Variants in MTCL2 observed in about 807,000 individuals in gnomAD.
The protein encoded by MTCL2 is microtubule cross-linking factor 2.
At chr20:36,792,863 G>C in the MTCL2 span, among the ~76,000 whole-genome samples, 2 of 139,116 alleles carry the variant, frequency 1.4e-5, no homozygotes, top group Non-Finnish European at 3.0e-5. Context: ...TAGATAGACA[G>C]ACAGACAGAC....
chr20:36,815,027 A>T, the MTCL2 span: 2 of 1,198,180 alleles, frequency 1.7e-6, no homozygotes, highest in Admixed American at 4.7e-5. This position sits in a 1 kb window ranked among gnomAD's most constrained non-coding sequence, Gnocchi z 5.3. Context: ...GCACCACTGC[A>T]CTTCAGCCTG....
the MTCL2 span, among the ~76,000 whole-genome samples, chr20:36,806,821 A>C: frequency 6.6e-6 from 1 of 152,056 alleles, no homozygotes; most frequent in Non-Finnish European, 1.5e-5. Flanking sequence ...CACCTAGCCA[A>C]TTTTCTATGT....
At chr20:36,823,866 G>A in the MTCL2 span, among the ~76,000 whole-genome samples, 3 of 152,214 alleles carry the variant, frequency 2.0e-5, no homozygotes, top group Non-Finnish European at 2.9e-5. Context: ...TATCATTTCC[G>A]CAAGGTTACA....
chr20:36,829,762 T>G, the MTCL2 span, among the ~76,000 whole-genome samples: 1 of 148,826 alleles, frequency 6.7e-6, no homozygotes. Context: ...CTTTGGGAGG[T>G]CGAGACAGGT....
the MTCL2 span, chr20:36,784,069 C>T: frequency 6.1e-6 from 6 of 985,498 alleles, no homozygotes; most frequent in East Asian, 1.1e-4. Flanking sequence ...CTGAGTGGTC[C>T]GTAGGTCTTG....
chr20:36,825,778 G>A, the MTCL2 span, among the ~76,000 whole-genome samples: 3 of 152,180 alleles, frequency 2.0e-5, no homozygotes, highest in Non-Finnish European at 4.4e-5. Context: ...AGACGGAGGA[G>A]GGAGAGGATA....
At chr20:36,806,219 C>T in the MTCL2 span, among the ~76,000 whole-genome samples, 3 of 152,120 alleles carry the variant, frequency 2.0e-5, no homozygotes, top group Non-Finnish European at 4.4e-5. Context: ...ATAAGGGTGA[C>T]CAAAGGTTTG....
the MTCL2 span, among the ~76,000 whole-genome samples, chr20:36,858,336 AC>A: frequency 4.9e-5 from 6 of 123,290 alleles, no homozygotes; most frequent in South Asian, 1.8e-3. Context: ...ACACACACAC[AC>A]ACACACACAC....
the MTCL2 span, among the ~76,000 whole-genome samples, chr20:36,837,948 G>A: frequency 3.3e-5 from 5 of 152,190 alleles, no homozygotes; most frequent in African/African-American, 9.6e-5. Context: ...TACAGATGAG[G>A]ACACTGAAAT....
the MTCL2 span, among the ~76,000 whole-genome samples, chr20:36,841,874 GGTGTGTGTGTGT>G: frequency 1.6e-4 from 18 of 110,864 alleles, no homozygotes; most frequent in South Asian, 1.2e-3. Context: ...TGGGGGGTGG[GGTGTGTGTGTGT>G]GTGTGTGTGT....
the MTCL2 span, among the ~76,000 whole-genome samples, chr20:36,850,534 A>T: frequency 1.3e-5 from 2 of 151,940 alleles, 1 homozygote; most frequent in South Asian, 4.2e-4. Context: ...TGACCAAAAA[A>T]AAAAGAAAAA....
chr20:36,793,928 G>A, the MTCL2 span: 26 of 1,551,334 alleles, frequency 1.7e-5, no homozygotes, highest in African/African-American at 1.8e-4. This position sits in a 1 kb window ranked among gnomAD's most constrained non-coding sequence, Gnocchi z 6.8. Flanking sequence ...CACGCTGACC[G>A]TGCGGATGGT....
the MTCL2 span, among the ~76,000 whole-genome samples, chr20:36,806,233 G>A: frequency 6.6e-6 from 1 of 152,138 alleles, no homozygotes; most frequent in Admixed American, 6.5e-5. Flanking sequence ...AGGTTTGGGT[G>A]GACAGAAGGG....
the MTCL2 span, chr20:36,794,769 CTTT>C: frequency 5.8e-4 from 371 of 639,992 alleles, no homozygotes; most frequent in Middle Eastern, 1.0e-3. This position sits in a 1 kb window ranked among gnomAD's most constrained non-coding sequence, Gnocchi z 5.4. Flanking sequence ...TCTGCATTTT[CTTT>C]TTTTTTTTTT....
chr20:36,817,848 G>A, the MTCL2 span, among the ~76,000 whole-genome samples: 1 of 152,200 alleles, frequency 6.6e-6, no homozygotes, highest in African/African-American at 2.4e-5. Flanking sequence ...TAGGTGTAGA[G>A]AACACAGCAG....
At chr20:36,815,461 C>T in the MTCL2 span, 3 of 1,605,598 alleles carry the variant, frequency 1.9e-6, no homozygotes, top group East Asian at 4.5e-5. The surrounding 1 kb of genome is among the most constrained non-coding windows in gnomAD (Gnocchi z 5.3). Context: ...CTGACCAGGG[C>T]GGCCTGCTCT....
chr20:36,837,154 C>T, the MTCL2 span, among the ~76,000 whole-genome samples: 1 of 152,210 alleles, frequency 6.6e-6, no homozygotes, highest in Non-Finnish European at 1.5e-5. Flanking sequence ...TCCCTTGGGC[C>T]TTCACTCAGA....
chr20:36,830,690 T>G, the MTCL2 span, among the ~76,000 whole-genome samples: 1 of 152,364 alleles, frequency 6.6e-6, no homozygotes, highest in East Asian at 1.9e-4. Flanking sequence ...CATGTAGTCC[T>G]GGGCAAGGCA....
chr20:36,833,089 G>A, the MTCL2 span, among the ~76,000 whole-genome samples: 1 of 152,222 alleles, frequency 6.6e-6, no homozygotes, highest in East Asian at 1.9e-4. Flanking sequence ...ACTTCCCAAG[G>A]TCACACAGCT....
Sources: gnomAD v4.1 joint callset for allele counts (sites outside exome capture counted in the v4.1 genomes callset) on GRCh38, gnomAD v4.1.1 for gene constraint, Gnocchi (gnomAD v3.1) non-coding constraint, MANE v1.5 for transcripts, NCBI Gene and HGNC (gene_info 2026-07-23, HGNC 2026-07-21) for gene names.